Variants in CCDC158 observed in about 807,000 individuals in gnomAD.
CCDC158 encodes the protein coiled-coil domain-containing protein 158.
CCDC158 carries 116 observed loss-of-function variants against 138.6 expected under a neutral mutation model. The observed-to-expected ratio is 0.84, with a 90% confidence interval of 0.72 to 0.98. The LOEUF is 0.98. Among genes scored for constraint, CCDC158 ranks in the 50% least tolerant of loss-of-function variants. CCDC158 has a pLI of 0.00. For synonymous variants in CCDC158, 436 were observed against 442.4 expected (o/e 0.99, Z 0.18); for missense variants, 1,265 against 1,306.1 (o/e 0.97, Z 0.48).
intron 18 of CCDC158, among the ~76,000 whole-genome samples, chr4:76,338,777 C>T (rs28761006): frequency 0.026 from 4,021 of 152,186 alleles, 174 homozygotes; most frequent in African/African-American, 0.092. Flanking sequence ...TACCACTTTG[C>T]CTGTACCTCT....
At chr4:76,402,629 G>A (rs1350350697) in intron 3 of CCDC158, among the ~76,000 whole-genome samples, 1 of 143,918 alleles carries the variant, frequency 6.9e-6, no homozygotes, top group East Asian at 2.1e-4. Context: ...TTCCATCTGT[G>A]TCTGTTTTCC....
At chr4:76,350,200 T>G (rs1031269967) in intron 18 of CCDC158, among the ~76,000 whole-genome samples, 3 of 152,234 alleles carry the variant, frequency 2.0e-5, no homozygotes, top group Admixed American at 6.5e-5. Flanking sequence ...ATTATTATTC[T>G]ATTGTTTGAT....
Position 76,323,377 on chromosome 4 carries a change from T to C in CCDC158, c.3202A>G (p.Lys1068Glu), listed in dbSNP as rs1720220665. ...CTGTTCTGAAGCTTCCTGCATGTTT[T>C]TCCTGTTGTTTCTATTGGCGGAGAC... ...SQSPPIETTG[K>E]TCRKLQNRLE... The change falls in exon 24 of 25, where the codon AAA becomes GAA. Residue 1068 changes from lysine to glutamate, a missense_variant. By Grantham distance (56) the Lys-to-Glu change is moderately conservative. Coordinates refer to ENST00000682701, the MANE Select transcript of CCDC158 (RefSeq NM_001394954.1). The C allele has an allele frequency of 1.2e-6, 2 of 1,611,954 alleles. No homozygotes were observed. Among genetic ancestry groups the C allele is most frequent in the Non-Finnish European group, 1.7e-6 (2 of 1,179,068 alleles).
Position 76,353,293 on chromosome 4 carries a change from T to A in CCDC158, c.2287-12A>T. On this transcript the variant is annotated splice_polypyrimidine_tract_variant and intron_variant, in intron 15 of 24. Transcript: ENST00000682701. ...AGAAAATGTTTCTCCTACAATTATA[T>A]GAGAGAAAAACATCAGAAATAACCT... is the stretch of plus-strand genomic sequence containing the variant. 6.3e-6 allele frequency: 10 copies of A among 1,586,400 alleles called. No homozygotes were observed. The highest frequency in any genetic ancestry group is 8.6e-6 in the Non-Finnish European group (10 of 1,164,486).
At position 76,368,208 on chromosome 4, in the gene CCDC158, G is replaced by A. The variant is rs186377989; in HGVS notation, c.1348-432C>T. 3.9e-5 allele frequency among the ~76,000 whole-genome samples: 6 copies of A among 152,226 alleles called. No individual in the cohort carries two copies. The East Asian group carries it at 1.2e-3, about 29-fold the overall frequency. On this transcript the variant is annotated intron_variant, in intron 11 of 24. Coordinates refer to ENST00000682701, the MANE Select transcript of CCDC158 (RefSeq NM_001394954.1). ...GAAGTTTCCTCTGTGGATGTTTTCTGTACTGATTTAGATTAAGATAACCCT... is the reference window on the plus strand; with the variant it reads ...GAAGTTTCCTCTGTGGATGTTTTCTATACTGATTTAGATTAAGATAACCCT...
At chr4:76,322,570 G>A (rs774000811) in intron 24 of CCDC158, among the ~76,000 whole-genome samples, 6 of 152,118 alleles carry the variant, frequency 3.9e-5, no homozygotes, top group Admixed American at 6.5e-5. Flanking sequence ...ATGAAGATTC[G>A]TTCTTAGAAT....
intron 3 of CCDC158, among the ~76,000 whole-genome samples, chr4:76,400,584 T>C (rs1728274403): frequency 6.6e-6 from 1 of 151,600 alleles, no homozygotes; most frequent in Non-Finnish European, 1.5e-5. Flanking sequence ...CTCCTTCCTC[T>C]GCACTACCCA....
At chr4:76,337,378 G>C (rs970885837) in intron 18 of CCDC158, among the ~76,000 whole-genome samples, 8 of 152,130 alleles carry the variant, frequency 5.3e-5, no homozygotes, top group Admixed American at 5.2e-4. Context: ...TACTTCATTG[G>C]TTAATTCATA....
intron 10 of CCDC158, 73 bp downstream of exon 10, chr4:76,371,344 C>T (rs538532500): frequency 1.3e-4 from 189 of 1,433,072 alleles, no homozygotes; most frequent in South Asian, 1.3e-3. Flanking sequence ...ATAAAGGAAA[C>T]GAGTTTTGTG....
upstream of CCDC158, chr4:76,421,622 A>G (rs968588026): frequency 6.6e-6 from 1 of 151,328 alleles, no homozygotes; most frequent in African/African-American, 2.4e-5. Context: ...GTCAAGCCCA[A>G]TCTGGAGTTG....
chr4:76,351,501 AC>A (rs1723035507), intron 17 of CCDC158, among the ~76,000 whole-genome samples: 2 of 152,148 alleles, frequency 1.3e-5, no homozygotes, highest in South Asian at 4.1e-4. Flanking sequence ...TTTTAAACTC[AC>A]CTATTTTAAA....
rs184744456 is a variant in CCDC158, at chr4:76,409,450, C to T, written c.-74+2640G>A. Among the ~76,000 whole-genome samples the T allele has an allele frequency of 9.2e-5, 14 of 152,224 alleles. No homozygotes were observed. The East Asian group carries it at 1.7e-3, about 19-fold the overall frequency. ...TACAGAGGTGAGATCTTGGCCTCTT[C>T]TGACATGCCGAAGGTCTATTATGAA... On this transcript the variant is annotated intron_variant, in intron 2 of 24. Coordinates refer to ENST00000682701, the MANE Select transcript of CCDC158 (RefSeq NM_001394954.1).
In CCDC158 at chr4:76,362,214, C is replaced by G; in HGVS notation, c.1932G>C (p.Arg644=). The G allele has an allele frequency of 6.2e-7, 1 of 1,614,102 alleles. No homozygotes were observed. Among genetic ancestry groups the G allele is most frequent in the South Asian group, 1.1e-5 (1 of 91,084 alleles). Reference sequence around the variant, plus strand: ...GTTTGATGTCCTTCACTGCACGGAGCCGCTCAGAGCCTGCATTCACCAGCT... The same window carrying G: ...GTTTGATGTCCTTCACTGCACGGAGGCGCTCAGAGCCTGCATTCACCAGCT... ...KVKLVNAGSE[R]LRAVKDIKQE... is the part of the protein sequence containing the mutation. The change falls in exon 13 of 25, where the codon CGG becomes CGC. Residue 644 remains arginine (R), a synonymous_variant. Coordinates refer to ENST00000682701, the MANE Select transcript of CCDC158 (RefSeq NM_001394954.1).
At chr4:76,320,711 A>G (rs2110072559) in intron 24 of CCDC158, among the ~76,000 whole-genome samples, 1 of 152,344 alleles carries the variant, frequency 6.6e-6, no homozygotes, top group East Asian at 1.9e-4. Context: ...TATTTAACAA[A>G]TGGTGCTGGA....
intron 6 of CCDC158, 35 bp downstream of exon 6, chr4:76,384,053 T>C: frequency 2.2e-6 from 3 of 1,368,078 alleles, no homozygotes; most frequent in South Asian, 1.3e-5. Flanking sequence ...TGCATTTTAA[T>C]ATAAAATTAT....
At chr4:76,315,000 G>T (rs192751765) in intron 24 of CCDC158, among the ~76,000 whole-genome samples, 127 of 152,300 alleles carry the variant, frequency 8.3e-4, no homozygotes, top group South Asian at 3.3e-3. Flanking sequence ...TGTCAGTGGG[G>T]AAGTTTATAG....
At chr4:76,355,529 G>A (rs1309948132) in intron 14 of CCDC158, 93 bp from the exon 15 acceptor site, 6 of 837,614 alleles carry the variant, frequency 7.2e-6, no homozygotes, top group Non-Finnish European at 1.2e-5. Flanking sequence ...AAGGTGACAA[G>A]TAAGATCCTC....
intron 18 of CCDC158, among the ~76,000 whole-genome samples, chr4:76,336,396 C>G (rs1010703134): frequency 4.6e-5 from 7 of 151,992 alleles, no homozygotes; most frequent in African/African-American, 7.2e-5. Context: ...TTACATATAA[C>G]CCATAATTTG....
intron 15 of CCDC158, among the ~76,000 whole-genome samples, chr4:76,354,720 A>G (rs1385344840): frequency 6.6e-6 from 1 of 152,148 alleles, no homozygotes; most frequent in Non-Finnish European, 1.5e-5. Context: ...CGGCGACCTC[A>G]GTTTTACCAT....
Sources: gnomAD v4.1 joint callset for allele counts (sites outside exome capture counted in the v4.1 genomes callset) on GRCh38, gnomAD v4.1.1 for gene constraint, MANE v1.5 for transcripts, NCBI Gene and HGNC (gene_info 2026-07-23, HGNC 2026-07-21) for gene names.